Variants in KIF1A observed in about 807,000 individuals in gnomAD.
KIF1A encodes the protein kinesin-like protein KIF1A.
Under a neutral mutation model 227.3 loss-of-function variants are expected in KIF1A, and 46 were observed. The ratio of observed to expected loss-of-function variants is 0.20; its 90% CI spans 0.16 to 0.26. The LOEUF is 0.26. Among genes scored for constraint, KIF1A ranks in the 10% least tolerant of loss-of-function variants. The pLI is 1.00. For synonymous variants in KIF1A, 1,022 were observed against 1,012.8 expected (o/e 1.01, Z -0.17); for missense variants, 1,683 against 2,485.9 (o/e 0.68, Z 6.87).
chr2:240,788,041 C>CCCCGACG lies in KIF1A; in HGVS notation c.363+9_363+10insCGTCGGG. On this transcript the variant is annotated intron_variant, in intron 4 of 48. Coordinates refer to ENST00000498729, the MANE Select transcript of KIF1A (RefSeq NM_001244008.2). The surrounding 1 kb of genome is among the most constrained non-coding windows in gnomAD (Gnocchi z 6.6). The stretch of plus-strand genomic sequence containing the variant: ...GCCAGGGCTGCCCCCGCCCGCCCCC[C>CCCCGACG]GCTTCGTGCCTGTGGGATGATGCCC... 2 of 1,520,686 alleles carry CCCCGACG rather than the reference C, an allele frequency of 1.3e-6. No homozygotes were observed. The highest frequency in any genetic ancestry group is 8.9e-7 in the Non-Finnish European group (1 of 1,121,318). 94.2% of individuals were successfully genotyped at this position (1,520,686 alleles called of 1,614,324 possible). A position where few individuals can be genotyped will look rare whatever the true frequency, so the allele number is the denominator to read the frequency against.
At chr2:240,781,979 C>T in intron 10 of KIF1A, 1 of 985,464 alleles carries the variant, frequency 1.0e-6, no homozygotes, top group Non-Finnish European at 1.2e-6. Context: ...GTGCGTTTCC[C>T]AGTGAGCACC....
At chr2:240,729,980 G>A (rs2046420975) in intron 38 of KIF1A, among the ~76,000 whole-genome samples, 1 of 152,216 alleles carries the variant, frequency 6.6e-6, no homozygotes, top group African/African-American at 2.4e-5. Context: ...CTGCCCAGGG[G>A]AGCTGTACCC....
chr2:240,717,372 G>T lies in KIF1A; in HGVS notation c.5368C>A (p.Arg1790=), dbSNP rs375509312. 6.2e-7 allele frequency: 1 copy of T among 1,611,682 alleles called. No homozygotes were observed. The change falls in exon 49 of 49, where the codon CGG becomes AGG. Residue 1790 remains arginine, a synonymous_variant. Coordinates refer to ENST00000498729, the MANE Select transcript of KIF1A (RefSeq NM_001244008.2). The part of the protein sequence containing the change: ...KLSRRRSAQM[R]V ...CACGGGAGGGCTCAGGTTCAGACCC[G>T]CATCTGGGCAGACCTCCTTCTGGAG...
chr2:240,773,057 G>A, intron 13 of KIF1A, 57 bp downstream of exon 13: 3 of 1,521,526 alleles, frequency 2.0e-6, no homozygotes, highest in Non-Finnish European at 2.7e-6. Context: ...GACCTGCGAG[G>A]CCCCTGAGCC....
chr2:240,800,210 G>A (rs1314379153), intron 1 of KIF1A, among the ~76,000 whole-genome samples: 3 of 151,786 alleles, frequency 2.0e-5, no homozygotes, highest in African/African-American at 4.8e-5. Flanking sequence ...TGGCTCTCCC[G>A]TATTGAAAAA....
rs1417810777 is a variant in KIF1A at position 240,743,053 on chromosome 2, G to A, written c.3585-69C>T. ...CGGGAGGGGTCAGAAGGAGACAGAAGGGCTACAGGCCCCAGGTGCCCATCC... is the reference window on the plus strand; with the variant it reads ...CGGGAGGGGTCAGAAGGAGACAGAAAGGCTACAGGCCCCAGGTGCCCATCC... On this transcript the variant is annotated intron_variant, in intron 33 of 48. Transcript: ENST00000498729. The A allele has an allele frequency of 5.5e-6, 7 of 1,282,800 alleles. No individual in the cohort carries two copies. In the East Asian group the frequency reaches 1.8e-4, roughly 33 times the overall value. 79.5% of individuals were successfully genotyped at this position (1,282,800 alleles called of 1,614,324 possible).
At position 240,758,583 on chromosome 2, in the gene KIF1A, G is replaced by A. The variant is rs1428228485; in HGVS notation, c.2445-86C>T. 16 of 1,328,444 alleles carry A rather than the reference G, an allele frequency of 1.2e-5. No homozygotes were observed. The Admixed American group carries it at 3.7e-4, about 30-fold the overall frequency. The allele number at this position is 1,328,444 out of a possible 1,614,324, so 82.3% of individuals were successfully genotyped here. On this transcript the variant is annotated intron_variant, in intron 25 of 48. Coordinates refer to ENST00000498729, the MANE Select transcript of KIF1A (RefSeq NM_001244008.2). This position sits in a 1 kb window ranked among gnomAD's most constrained non-coding sequence, Gnocchi z 5.2. Reference sequence around the variant, plus strand: ...CACCCTTATCTCCTGGGGACAGTGGGCTCAGCCTAGCTCTGGCCACCACAT... The same window carrying A: ...CACCCTTATCTCCTGGGGACAGTGGACTCAGCCTAGCTCTGGCCACCACAT...
At chr2:240,812,731 A>T (rs866008631) in intron 1 of KIF1A, among the ~76,000 whole-genome samples, 1 of 141,102 alleles carries the variant, frequency 7.1e-6, no homozygotes, top group Non-Finnish European at 1.5e-5. Context: ...CCTTCACCTC[A>T]GGGATCCGCC....
chr2:240,750,107 CT>C (rs1417960728), intron 28 of KIF1A, among the ~76,000 whole-genome samples: 4 of 152,254 alleles, frequency 2.6e-5, no homozygotes, highest in African/African-American at 9.6e-5. Context: ...CCAGAGCAGG[CT>C]CAGATGGCAC....
Position 240,761,306 on chromosome 2 carries a change from A to C in KIF1A, c.2188T>G (p.Ser730Ala). The C allele has an allele frequency of 6.2e-7, 1 of 1,613,782 alleles. No individual in the cohort carries two copies. The change falls in exon 24 of 49, where the codon TCT becomes GCT. Residue 730 changes from serine to alanine, a missense_variant. Ser to Ala is a moderately conservative substitution (Grantham distance 99, BLOSUM62 1). Around this residue, in one of 12 missense-constraint regions of KIF1A, gnomAD observed 217 missense variants for 427.0 expected, o/e 0.51. Coordinates refer to ENST00000498729, the MANE Select transcript of KIF1A (RefSeq NM_001244008.2). ...FRKWKWYQFTSLRDLLWGNAI... is the reference protein window; with the variant it reads ...FRKWKWYQFTALRDLLWGNAI... Reference sequence around the variant, plus strand: ...TTGCCCCACAGCAGGTCCCGCAGAGACGTGAACTGGTACCACTTCCACTTC... The same window carrying C: ...TTGCCCCACAGCAGGTCCCGCAGAGCCGTGAACTGGTACCACTTCCACTTC...
At chr2:240,783,323 T>G (rs540402205) in intron 8 of KIF1A, among the ~76,000 whole-genome samples, 1 of 152,138 alleles carries the variant, frequency 6.6e-6, no homozygotes, top group Non-Finnish European at 1.5e-5. Flanking sequence ...CTCAGCCCCA[T>G]GCAAACCCTG....
At chr2:240,821,199 CAGCCCCTGCCATCG>C (rs1186485001), upstream of KIF1A, among the ~76,000 whole-genome samples, 1 of 152,232 alleles carries the variant, frequency 6.6e-6, no homozygotes, top group Non-Finnish European at 1.5e-5. Flanking sequence ...CCCTCCAGCC[CAGCCCCTGCCATCG>C]AGCCCCTGCC....
chr2:240,726,787 G>A lies in KIF1A; in HGVS notation c.4122+39C>T. The A allele has an allele frequency of 1.6e-6, 2 of 1,247,848 alleles. No individual in the cohort carries two copies. Among genetic ancestry groups the A allele is most frequent in the Non-Finnish European group, 2.3e-6 (2 of 859,826 alleles). 77.3% of individuals were successfully genotyped at this position (1,247,848 alleles called of 1,614,324 possible). On this transcript the variant is annotated intron_variant, in intron 39 of 48. Coordinates refer to ENST00000498729, the MANE Select transcript of KIF1A (RefSeq NM_001244008.2). This position sits in a 1 kb window ranked among gnomAD's most constrained non-coding sequence, Gnocchi z 5.2. ...ACAAGAACCTCAAGCTTCAGGGGCTGAGTGGTTTTGGTGGAGTGCCCTGGC... is the reference window on the plus strand; with the variant it reads ...ACAAGAACCTCAAGCTTCAGGGGCTAAGTGGTTTTGGTGGAGTGCCCTGGC...
chr2:240,781,861 C>A, intron 10 of KIF1A: 1 of 985,432 alleles, frequency 1.0e-6, no homozygotes, highest in Middle Eastern at 5.2e-4. Context: ...CCCAGTTCTT[C>A]CTGCAGCCCC....
chr2:240,786,636 CGCCATCAGG>C (rs2054804846), intron 5 of KIF1A, 123 bp from the exon 6 acceptor site: 10 of 852,150 alleles, frequency 1.2e-5, no homozygotes, highest in Middle Eastern at 3.5e-4. Context: ...AGATGGGGGC[CGCCATCAGG>C]ACCCCTGAGT....
At chr2:240,731,337 C>T (rs1425848362) in intron 38 of KIF1A, among the ~76,000 whole-genome samples, 1 of 152,212 alleles carries the variant, frequency 6.6e-6, no homozygotes, top group Non-Finnish European at 1.5e-5. Context: ...GAGACAGCTG[C>T]ATCCTGTCCC....
chr2:240,771,619 C>T (rs890574170), intron 14 of KIF1A, among the ~76,000 whole-genome samples: 1 of 152,188 alleles, frequency 6.6e-6, no homozygotes, highest in Non-Finnish European at 1.5e-5. Flanking sequence ...CCCAGCAGCG[C>T]CCCGTGCAGA....
rs1468911667 is a variant in KIF1A, at chr2:240,719,151, G to A, written c.5069C>T (p.Thr1690Met). 9 of 1,612,228 alleles carry A rather than the reference G, an allele frequency of 5.6e-6. No homozygotes were observed. Among genetic ancestry groups the A allele is most frequent in the East Asian group, 4.5e-5 (2 of 44,846 alleles). Residue 1690 changes from threonine to methionine, a missense_variant, in exon 47 of 49, where the codon ACG becomes ATG. This residue lies in a region of KIF1A where 384 missense variants were observed against 410.1 expected (regional missense o/e 0.94). Transcript: ENST00000498729. ...KGYLHFLEPH[T>M]SGWARRFVVV... ...CACGAAGCGCCTGGCCCAGCCTGAC[G>A]TGTGCGGCTCCAGGAAGTGCAGGTA...
At position 240,789,868 on chromosome 2, in the gene KIF1A, A is replaced by G. The variant is rs2055444005; in HGVS notation, c.107-556T>C. Among the ~76,000 whole-genome samples, 1 of 151,222 alleles carries G rather than the reference A, an allele frequency of 6.6e-6. No individual in the cohort carries two copies. Among genetic ancestry groups the G allele is most frequent in the African/African-American group, 2.4e-5 (1 of 41,062 alleles). On this transcript the variant is annotated intron_variant, in intron 2 of 48. Transcript: ENST00000498729. The surrounding 1 kb of genome is among the most constrained non-coding windows in gnomAD (Gnocchi z 4.8). ...CTCCTCCCCCTCCCTCCTCCACCCAACTTCAAGCCCAGTCCCAGGCACCCT... is the reference window on the plus strand; with the variant it reads ...CTCCTCCCCCTCCCTCCTCCACCCAGCTTCAAGCCCAGTCCCAGGCACCCT...
Sources: allele counts gnomAD v4.1 joint callset (sites outside exome capture counted in the v4.1 genomes callset), GRCh38; gene constraint gnomAD v4.1.1; regional missense constraint gnomAD v4.1.1; non-coding constraint Gnocchi (gnomAD v3.1); transcripts MANE v1.5; gene names NCBI Gene and HGNC (gene_info 2026-07-23, HGNC 2026-07-21).